RAB3IP: variants seen among roughly 807,000 people sequenced by gnomAD.
RAB3IP encodes the protein rab-3A-interacting protein.
In RAB3IP, 36 loss-of-function variants were observed where a neutral mutation model predicts 59.1. The ratio of observed to expected loss-of-function variants is 0.61; its 90% CI spans 0.47 to 0.80. RAB3IP has a LOEUF of 0.80. Ranked by LOEUF, RAB3IP falls within the 30% of genes least tolerant of loss-of-function variation. RAB3IP has a pLI of 0.00. For missense variants in RAB3IP, 511 were observed against 536.0 expected (o/e 0.95, Z 0.46); for synonymous variants, 207 against 191.2 (o/e 1.08, Z -0.68).
intron 4 of RAB3IP, among the ~76,000 whole-genome samples, chr12:69,789,614 G>A (rs1876282876): frequency 6.6e-6 from 1 of 152,066 alleles, no homozygotes; most frequent in Non-Finnish European, 1.5e-5. Flanking sequence ...TGATACCAAA[G>A]CCAGTAAATG....
Position 69,823,043 on chromosome 12 carries a change from A to C in RAB3IP, c.*7597A>C, listed in dbSNP as rs1030347245. The stretch of plus-strand genomic sequence containing the variant: ...TGGAAGGAAGTTGTTGAATGTTTCC[A>C]ACATAAAGAAATGATAAGTGTTTGA... On this transcript the variant is annotated 3_prime_UTR_variant, in exon 11 of 11. Transcript: ENST00000247833. The C allele has an allele frequency of 6.6e-6, 1 of 152,196 alleles. No individual in the cohort carries two copies. Among genetic ancestry groups the C allele is most frequent in the Admixed American group, 6.5e-5 (1 of 15,268 alleles). The allele number at this position is 152,196 out of a possible 1,614,324, so 9.4% of individuals were successfully genotyped here.
At chr12:69,790,995 G>C (rs776651944) in intron 4 of RAB3IP, among the ~76,000 whole-genome samples, 5 of 152,156 alleles carry the variant, frequency 3.3e-5, no homozygotes, top group Non-Finnish European at 5.9e-5. Flanking sequence ...TATAAAAACA[G>C]ACATGTGGAC....
At chr12:69,792,200 T>A (rs1056743997) in intron 4 of RAB3IP, among the ~76,000 whole-genome samples, 32 of 152,144 alleles carry the variant, frequency 2.1e-4, no homozygotes, top group Non-Finnish European at 4.4e-5. Context: ...AAGTGTCAGT[T>A]ATGCAGGATA....
intron 1 of RAB3IP, chr12:69,739,797 A>G: frequency 6.2e-7 from 1 of 1,612,236 alleles, no homozygotes; most frequent in Non-Finnish European, 8.5e-7. Context: ...TGGCTCCAGA[A>G]GTGATGATGC....
chr12:69,791,873 G>A (rs1876679712), intron 4 of RAB3IP, among the ~76,000 whole-genome samples: 1 of 152,130 alleles, frequency 6.6e-6, no homozygotes, highest in African/African-American at 2.4e-5. Context: ...CATGTTCATT[G>A]CAGCATTATT....
At position 69,823,057 on chromosome 12, in the gene RAB3IP, A is replaced by G. The variant is rs749460606; in HGVS notation, c.*7611A>G. The G allele has an allele frequency of 6.6e-6, 1 of 152,184 alleles. No individual in the cohort carries two copies. The highest frequency in any genetic ancestry group is 1.5e-5 in the Non-Finnish European group (1 of 68,032). The allele number at this position is 152,184 out of a possible 1,614,324, so 9.4% of individuals were successfully genotyped here. On this transcript the variant is annotated 3_prime_UTR_variant, in exon 11 of 11. Transcript: ENST00000247833. ...TGAATGTTTCCAACATAAAGAAATG[A>G]TAAGTGTTTGAGATGATGGATATGC...
At chr12:69,758,811 G>T (rs1592471586) in intron 3 of RAB3IP, among the ~76,000 whole-genome samples, 1 of 77,288 alleles carries the variant, frequency 1.3e-5, no homozygotes. Flanking sequence ...TTGAATGATA[G>T]TTTAACGGGG....
intron 4 of RAB3IP, 131 bp downstream of exon 4, chr12:69,784,946 G>T (rs776871315): frequency 4.3e-6 from 2 of 463,432 alleles, no homozygotes; most frequent in Non-Finnish European, 7.8e-6. Context: ...AAGCAAAAGA[G>T]AAATCTTTAA....
intron 4 of RAB3IP, among the ~76,000 whole-genome samples, chr12:69,787,539 G>T (rs973903565): frequency 2.0e-5 from 3 of 152,104 alleles, no homozygotes; most frequent in Admixed American, 6.5e-5. Context: ...CCTAACTCTT[G>T]CTTTATCTAC....
Position 69,821,180 on chromosome 12 carries a change from T to C in RAB3IP, c.*5734T>C, listed in dbSNP as rs1251445255. On this transcript the variant is annotated 3_prime_UTR_variant, in exon 11 of 11. Coordinates refer to ENST00000247833, the MANE Select transcript of RAB3IP (RefSeq NM_022456.5). ...GGCCCCCATCACCACATCCCCAGAT[T>C]TAACCGCAGCAGCTCAGCTTTTATC... 5 of 152,276 alleles carry C rather than the reference T, an allele frequency of 3.3e-5. No homozygotes were observed. Among genetic ancestry groups the C allele is most frequent in the Non-Finnish European group, 7.3e-5 (5 of 68,164 alleles). 9.4% of individuals were successfully genotyped at this position (152,276 alleles called of 1,614,324 possible).
Position 69,800,343 on chromosome 12 carries a change from T to C in RAB3IP, c.1017+6T>C. On this transcript the variant is annotated splice_donor_region_variant and intron_variant, in intron 7 of 10. Transcript: ENST00000247833. ...TAACATTCTCAAAAAGTGAGGTAAT[T>C]TTTTTTCATTTTAGTAGGAATTCAT... 6.5e-7 allele frequency: 1 copy of C among 1,532,014 alleles called. No individual in the cohort carries two copies. The highest frequency in any genetic ancestry group is 8.9e-7 in the Non-Finnish European group (1 of 1,129,146). 94.9% of individuals were successfully genotyped at this position (1,532,014 alleles called of 1,614,324 possible).
intron 8 of RAB3IP, among the ~76,000 whole-genome samples, chr12:69,804,867 G>C (rs1253548500): frequency 6.6e-6 from 1 of 152,042 alleles, no homozygotes; most frequent in South Asian, 2.1e-4. Flanking sequence ...CTCTGTTTTG[G>C]TACCAGTACC....
At chr12:69,754,732 CATG>C (rs1208825526) in intron 1 of RAB3IP, among the ~76,000 whole-genome samples, 1 of 152,120 alleles carries the variant, frequency 6.6e-6, no homozygotes. Flanking sequence ...ACATGTTGTA[CATG>C]ATAAATACAA....
At chr12:69,760,995 CCTCT>C (rs1232789168) in intron 3 of RAB3IP, among the ~76,000 whole-genome samples, 6 of 152,034 alleles carry the variant, frequency 3.9e-5, no homozygotes, top group African/African-American at 1.4e-4. Context: ...TTCCATTCTT[CCTCT>C]CTCTCTCCTT....
At position 69,805,177 on chromosome 12, in the gene RAB3IP, A is replaced by G. The variant is rs1002573151; in HGVS notation, c.1130+3456A>G. On this transcript the variant is annotated intron_variant, in intron 8 of 10. Transcript: ENST00000247833. ...TGTATCCTCTTTTATTTCATTGAGCAGTGGTTTGTAGTTCTCCTTGAAGAG... is the reference window on the plus strand; with the variant it reads ...TGTATCCTCTTTTATTTCATTGAGCGGTGGTTTGTAGTTCTCCTTGAAGAG... Among the ~76,000 whole-genome samples, 63 of 152,248 alleles carry G rather than the reference A, an allele frequency of 4.1e-4. 1 individual carries two copies. Among genetic ancestry groups the G allele is most frequent in the African/African-American group, 1.5e-3 (61 of 41,552 alleles).
At chr12:69,758,845 G>GT (rs773023046) in intron 3 of RAB3IP, among the ~76,000 whole-genome samples, 81 of 111,314 alleles carry the variant, frequency 7.3e-4, no homozygotes, top group African/African-American at 9.6e-4. Context: ...GTTGATGGTT[G>GT]TTTTTTTTTT....
At chr12:69,741,273 G>A (rs553799234) in intron 1 of RAB3IP, among the ~76,000 whole-genome samples, 3 of 152,306 alleles carry the variant, frequency 2.0e-5, no homozygotes, top group African/African-American at 7.2e-5. Context: ...TACAAGTCAG[G>A]AAATGGAGGC....
chr12:69,794,405 GTTTCTAAAATTTGAGATGTTAACTT>G lies in RAB3IP; in HGVS notation c.607-27_607-3del, dbSNP rs555916162. ...ACTTTTTGAAAACAAATGCTACTTT[GTTTCTAAAATTTGAGATGTTAACTT>G]TTTCAGGAAGCTCATAAAATGGTGA... On this transcript the variant is annotated splice_region_variant and splice_polypyrimidine_tract_variant and intron_variant, in intron 4 of 10. Coordinates refer to ENST00000247833, the MANE Select transcript of RAB3IP (RefSeq NM_022456.5). The G allele has an allele frequency of 1.8e-3, 2,823 of 1,568,574 alleles. 58 individuals carry two copies. The Admixed American group carries it at 0.036, about 20-fold the overall frequency.
chr12:69,790,283 A>G (rs1876393010), intron 4 of RAB3IP, among the ~76,000 whole-genome samples: 1 of 152,238 alleles, frequency 6.6e-6, no homozygotes, highest in African/African-American at 2.4e-5. Flanking sequence ...AAGGAATTTA[A>G]GAGAACAATC....
Sources: gnomAD v4.1 joint callset for allele counts (sites outside exome capture counted in the v4.1 genomes callset) on GRCh38, gnomAD v4.1.1 for gene constraint, MANE v1.5 for transcripts, NCBI Gene and HGNC (gene_info 2026-07-23, HGNC 2026-07-21) for gene names.